The following FGF13 variants were observed in gnomAD, a reference collection of about 807,000 sequenced individuals.
FGF13 encodes the protein fibroblast growth factor 13.
FGF13 carries 2 observed loss-of-function variants against 19.5 expected under a neutral mutation model. That is an observed-to-expected ratio of 0.10 (90% CI 0.04 to 0.32). The LOEUF is 0.32. Among genes scored for constraint, FGF13 ranks in the 10% least tolerant of loss-of-function variants. FGF13 has a pLI of 1.00. For missense variants in FGF13, 113 were observed against 192.7 expected (o/e 0.59, Z 2.45); for synonymous variants, 72 against 76.9 (o/e 0.94, Z 0.33).
intron 3 of FGF13, among the ~76,000 whole-genome samples, chrX:138,832,027 G>A (rs777413062): frequency 1.9e-4 from 21 of 112,026 alleles, no homozygotes; most frequent in Non-Finnish European, 3.2e-4. Context: ...CATTTTTTAT[G>A]GTTGAATAGT....
chrX:138,984,592 A>AAGAAGAG (rs1569436193), intron 1 of FGF13, among the ~76,000 whole-genome samples: 4 of 29,757 alleles, frequency 1.3e-4, no homozygotes, highest in African/African-American at 3.6e-4. Context: ...AAGAAGAAGG[A>AAGAAGAG]GGAGGAGGAG....
At chrX:139,159,701 TA>T (rs1293132525) in intron 1 of FGF13, among the ~76,000 whole-genome samples, 1 of 103,327 alleles carries the variant, frequency 9.7e-6, no homozygotes, top group Non-Finnish European at 2.0e-5. Flanking sequence ...TAGTCTCTGA[TA>T]AAACAGAGTT....
chrX:138,792,994 CA>C (rs1445994481), intron 3 of FGF13, among the ~76,000 whole-genome samples: 2 of 111,522 alleles, frequency 1.8e-5, no homozygotes, highest in African/African-American at 3.3e-5. Flanking sequence ...AATTCAAAAA[CA>C]GCAGTTTCTT....
At chrX:139,055,571 T>A (rs1456592758) in intron 1 of FGF13, among the ~76,000 whole-genome samples, 2 of 112,548 alleles carry the variant, frequency 1.8e-5, no homozygotes, top group South Asian at 3.6e-4. Context: ...TAGCTATAGT[T>A]TCTGCTGTTA....
intron 1 of FGF13, among the ~76,000 whole-genome samples, chrX:138,724,730 A>T (rs1326539100): frequency 9.0e-6 from 1 of 111,613 alleles, no homozygotes; most frequent in Admixed American, 9.5e-5. Context: ...AAGCAAAGAA[A>T]CTCTCACAAA....
intron 1 of FGF13, among the ~76,000 whole-genome samples, chrX:139,036,908 G>A (rs2092252490): frequency 9.0e-6 from 1 of 110,801 alleles, no homozygotes; most frequent in Admixed American, 9.6e-5. Context: ...CTCCCACTGG[G>A]TCCCTCCCAC....
chrX:138,617,565 C>T lies in FGF13; in HGVS notation c.*15285G>A, dbSNP rs1361772919. The T allele has an allele frequency of 9.0e-6, 1 of 111,478 alleles. No homozygotes were observed. The highest frequency in any genetic ancestry group is 1.9e-5 in the Non-Finnish European group (1 of 53,109). 9.2% of individuals were successfully genotyped at this position (111,478 alleles called of 1,213,427 possible). On this transcript the variant is annotated 3_prime_UTR_variant, in exon 5 of 5. Transcript: ENST00000315930. ...ACTGAAAGAAGCTGTGTAAAAGAAC[C>T]AAGGATCATCATGGTAAAGAGAATG...
chrX:138,929,755 C>T (rs1477347266), intron 1 of FGF13, among the ~76,000 whole-genome samples: 1 of 110,559 alleles, frequency 9.0e-6, no homozygotes, highest in Non-Finnish European at 1.9e-5. Flanking sequence ...CCTTTGTTGG[C>T]TGCATGAGTC....
intron 1 of FGF13, among the ~76,000 whole-genome samples, chrX:139,203,027 G>T (rs1404689397): frequency 8.9e-6 from 1 of 112,310 alleles, no homozygotes; most frequent in Non-Finnish European, 1.9e-5. Context: ...CCGCACCCCG[G>T]TCTCCAAGGC....
At chrX:138,734,416 G>T (rs954279734) in intron 1 of FGF13, among the ~76,000 whole-genome samples, 2 of 111,307 alleles carry the variant, frequency 1.8e-5, no homozygotes, top group African/African-American at 6.5e-5. Context: ...ATCAGTTAGG[G>T]AAATAAAGTG....
chrX:138,881,195 G>A (rs1415001954), intron 1 of FGF13, among the ~76,000 whole-genome samples: 1 of 111,388 alleles, frequency 9.0e-6, no homozygotes, highest in Non-Finnish European at 1.9e-5. Flanking sequence ...TATAATAAAT[G>A]GAACTGTTGT....
At chrX:139,015,102 C>T (rs754190066) in intron 1 of FGF13, among the ~76,000 whole-genome samples, 19 of 110,994 alleles carry the variant, frequency 1.7e-4, no homozygotes, top group African/African-American at 6.2e-4. Context: ...CAACACATAG[C>T]TAATATTGTA....
intron 1 of FGF13, among the ~76,000 whole-genome samples, chrX:139,074,362 G>A (rs1459418793): frequency 4.5e-5 from 5 of 111,944 alleles, no homozygotes; most frequent in Non-Finnish European, 9.4e-5. Context: ...GAGGTTATGC[G>A]CAGCAGATAA....
intron 1 of FGF13, among the ~76,000 whole-genome samples, chrX:139,045,154 C>T (rs965475541): frequency 9.8e-5 from 11 of 112,537 alleles, no homozygotes; most frequent in African/African-American, 3.2e-4. Flanking sequence ...TGAAAACCAC[C>T]TTGGCTTATG....
intron 1 of FGF13, among the ~76,000 whole-genome samples, chrX:139,093,396 A>G (rs1232424452): frequency 1.8e-5 from 2 of 112,109 alleles, no homozygotes; most frequent in Non-Finnish European, 3.8e-5. Context: ...AGCTGGTCAT[A>G]CATACTTTGA....
At chrX:138,781,241 A>T (rs1332997678) in intron 3 of FGF13, among the ~76,000 whole-genome samples, 1 of 109,714 alleles carries the variant, frequency 9.1e-6, no homozygotes, top group Non-Finnish European at 1.9e-5. Context: ...ACACCCTAAC[A>T]TCACAATTAA....
chrX:138,880,292 A>G (rs765484925), intron 1 of FGF13, among the ~76,000 whole-genome samples: 2 of 111,899 alleles, frequency 1.8e-5, no homozygotes, highest in Admixed American at 9.5e-5. Context: ...AAGGATCTAG[A>G]ATCAGAAATA....
At chrX:138,912,534 T>C (rs911080021) in intron 1 of FGF13, among the ~76,000 whole-genome samples, 2 of 111,637 alleles carry the variant, frequency 1.8e-5, no homozygotes, top group Admixed American at 9.5e-5. Flanking sequence ...AATATATCAC[T>C]ATTTAATCAA....
chrX:138,648,825 T>C (rs2089335023), intron 3 of FGF13, among the ~76,000 whole-genome samples: 1 of 111,577 alleles, frequency 9.0e-6, no homozygotes, highest in Non-Finnish European at 1.9e-5. Context: ...AACGTCAGCA[T>C]GTCAGAAACC....
Sources: allele counts gnomAD v4.1 joint callset (sites outside exome capture counted in the v4.1 genomes callset), GRCh38; gene constraint gnomAD v4.1.1; transcripts MANE v1.5; gene names NCBI Gene and HGNC (gene_info 2026-07-23, HGNC 2026-07-21).